Variants in ATG7 observed in about 807,000 individuals in gnomAD.
ATG7 encodes autophagy related 7, also known as ubiquitin-like modifier-activating enzyme ATG7.
ATG7 carries 70 observed loss-of-function variants against 82.4 expected under a neutral mutation model. The observed-to-expected ratio is 0.85, with a 90% CI of 0.70 to 1.04. ATG7 has a LOEUF of 1.04. Ranked by LOEUF, ATG7 falls within the 50% of genes least tolerant of loss-of-function variation. The probability of loss-of-function intolerance (pLI) is 0.00; values close to 1 mark genes in which losing one functional copy is unlikely to be tolerated. For synonymous variants in ATG7, 287 were observed against 313.0 expected (o/e 0.92, Z 0.88); for missense variants, 792 against 864.3 (o/e 0.92, Z 1.05).
intron 19 of ATG7, among the ~76,000 whole-genome samples, chr3:11,383,428 ATATAT>A (rs2152854656): frequency 6.6e-6 from 1 of 152,212 alleles, no homozygotes; most frequent in East Asian, 1.9e-4. Context: ...GAGTTATATA[ATATAT>A]TATATACCTT....
chr3:11,459,711 A>C (rs2086120395), intron 20 of ATG7, among the ~76,000 whole-genome samples: 1 of 152,214 alleles, frequency 6.6e-6, no homozygotes, highest in South Asian at 2.1e-4. Context: ...CTGTTCTGAT[A>C]GCCTTTTGTC....
chr3:11,464,653 C>A (rs144906921), intron 20 of ATG7, among the ~76,000 whole-genome samples: 4 of 152,200 alleles, frequency 2.6e-5, no homozygotes, highest in Non-Finnish European at 5.9e-5. Context: ...ATCCCCCAAA[C>A]GAAAGACAAA....
chr3:11,476,934 C>A (rs1220558994), intron 20 of ATG7, among the ~76,000 whole-genome samples: 2 of 152,184 alleles, frequency 1.3e-5, no homozygotes, highest in African/African-American at 4.8e-5. Context: ...GCCCTCTTTC[C>A]CTTTAAGCAA....
chr3:11,303,092 G>T (rs907699869), intron 5 of ATG7, among the ~76,000 whole-genome samples: 1 of 152,208 alleles, frequency 6.6e-6, no homozygotes, highest in Non-Finnish European at 1.5e-5. Flanking sequence ...TGCTGATTAA[G>T]ACAGTTGTCA....
chr3:11,497,363 A>ATATATGTATG (rs1408489575), intron 20 of ATG7, among the ~76,000 whole-genome samples: 3 of 62,578 alleles, frequency 4.8e-5, no homozygotes, highest in African/African-American at 1.9e-4. Context: ...AATACTATAT[A>ATATATGTATG]TATATATATA....
intron 20 of ATG7, among the ~76,000 whole-genome samples, chr3:11,516,953 C>T (rs2443705): frequency 0.71 from 108,599 of 151,946 alleles, 39,961 homozygotes; most frequent in East Asian, 0.93. Context: ...TATGGTGGCA[C>T]GTGCCTGTAG....
chr3:11,465,199 G>A (rs190812041), intron 20 of ATG7, among the ~76,000 whole-genome samples: 127 of 152,010 alleles, frequency 8.4e-4, no homozygotes, highest in African/African-American at 2.9e-3. Flanking sequence ...GCTCACACCT[G>A]TAATCCCAGC....
intron 19 of ATG7, among the ~76,000 whole-genome samples, chr3:11,400,410 A>G (rs1053570677): frequency 2.6e-5 from 4 of 152,178 alleles, no homozygotes; most frequent in Non-Finnish European, 5.9e-5. Flanking sequence ...GACAACAGAA[A>G]ATAAATAGGG....
At chr3:11,430,660 G>A (rs1218336129) in intron 20 of ATG7, among the ~76,000 whole-genome samples, 2 of 152,214 alleles carry the variant, frequency 1.3e-5, no homozygotes, top group Admixed American at 6.5e-5. Flanking sequence ...CACTGTGCTA[G>A]TAACTGAATA....
chr3:11,519,598 C>T (rs1311727973), intron 20 of ATG7, among the ~76,000 whole-genome samples: 3 of 116,566 alleles, frequency 2.6e-5, no homozygotes, highest in African/African-American at 3.3e-5. Flanking sequence ...CTCTCTCTGT[C>T]GCCCAGGCTG....
chr3:11,367,810 G>T (rs543304699), intron 18 of ATG7, among the ~76,000 whole-genome samples: 16 of 148,532 alleles, frequency 1.1e-4, no homozygotes, highest in Non-Finnish European at 1.9e-4. Context: ...ATTAGATTCT[G>T]CAAGCAGGCA....
At chr3:11,361,471 G>C (rs927498143) in intron 16 of ATG7, among the ~76,000 whole-genome samples, 2 of 152,032 alleles carry the variant, frequency 1.3e-5, no homozygotes, top group Non-Finnish European at 2.9e-5. Context: ...TTTTAGTAGA[G>C]ACGGGGTTTC....
At chr3:11,558,920 G>C (rs552416606), downstream of ATG7, 67 of 1,451,138 alleles carry the variant, frequency 4.6e-5, 1 homozygote, top group South Asian at 7.6e-4. Flanking sequence ...GCCCAGAGCC[G>C]GACTGGCTGC....
intron 11 of ATG7, among the ~76,000 whole-genome samples, chr3:11,335,368 T>C (rs1373451428): frequency 6.6e-6 from 1 of 152,100 alleles, no homozygotes; most frequent in African/African-American, 2.4e-5. Flanking sequence ...ACACTAACAC[T>C]AATGATAGCT....
At chr3:11,476,961 G>A (rs1040661644) in intron 20 of ATG7, among the ~76,000 whole-genome samples, 1 of 152,108 alleles carries the variant, frequency 6.6e-6, no homozygotes, top group Admixed American at 6.5e-5. Flanking sequence ...ATAAAACCCT[G>A]GCACCTTTCC....
intron 6 of ATG7, 125 bp downstream of exon 6, chr3:11,307,185 G>A (rs1947888963): frequency 1.2e-6 from 1 of 865,454 alleles, no homozygotes; most frequent in Non-Finnish European, 1.9e-6. Flanking sequence ...AGACACTTGT[G>A]GGCTTTGGTA....
rs116124183 is a variant in ATG7, at chr3:11,517,481, C to T, written c.2080-37330C>T. Among the ~76,000 whole-genome samples, 510 of 152,240 alleles carry T rather than the reference C, an allele frequency of 3.3e-3. 2 individuals carry two copies. The highest frequency in any genetic ancestry group is 0.012 in the African/African-American group (484 of 41,542). On this transcript the variant is annotated intron_variant, in intron 20 of 20. Coordinates refer to ENST00000693202, the MANE Select transcript of ATG7 (RefSeq NM_001349232.2). Reference sequence around the variant, plus strand: ...GCAGTGAATTAAAAGAAAAAAAACTCGATCCCTGTCCTTACGGATCTCTGG... The same window carrying T: ...GCAGTGAATTAAAAGAAAAAAAACTTGATCCCTGTCCTTACGGATCTCTGG...
At chr3:11,515,251 C>T (rs371036807) in intron 20 of ATG7, among the ~76,000 whole-genome samples, 4 of 152,040 alleles carry the variant, frequency 2.6e-5, no homozygotes, top group African/African-American at 9.7e-5. Flanking sequence ...GTTCATGTCT[C>T]AACTGAGAGG....
At chr3:11,475,290 A>G (rs752404567) in intron 20 of ATG7, among the ~76,000 whole-genome samples, 30 of 152,082 alleles carry the variant, frequency 2.0e-4, no homozygotes, top group Non-Finnish European at 3.4e-4. Context: ...CCTTATACAC[A>G]CCCACAAAGC....
Sources: gnomAD v4.1 joint callset for allele counts (sites outside exome capture counted in the v4.1 genomes callset) on GRCh38, gnomAD v4.1.1 for gene constraint, MANE v1.5 for transcripts, NCBI Gene and HGNC (gene_info 2026-07-23, HGNC 2026-07-21) for gene names.